The following EPHA3 variants were observed in gnomAD, a reference collection of about 807,000 sequenced individuals.
The protein encoded by EPHA3 is EPH receptor A3.
Under a neutral mutation model 107.1 loss-of-function variants are expected in EPHA3, and 42 were observed. The ratio of observed to expected loss-of-function variants is 0.39; its 90% CI spans 0.31 to 0.51. The LOEUF (loss-of-function observed/expected upper bound fraction) is 0.51, where lower values mean the gene tolerates loss of function less well. Among genes scored for constraint, EPHA3 ranks in the 20% least tolerant of loss-of-function variants. EPHA3 has a pLI of 0.78. For missense variants in EPHA3, 1,183 were observed against 1,211.2 expected (o/e 0.98, Z 0.35); for synonymous variants, 461 against 424.8 (o/e 1.09, Z -1.05).
intron 3 of EPHA3, among the ~76,000 whole-genome samples, chr3:89,247,956 T>C (rs1559617937): frequency 6.6e-6 from 1 of 152,188 alleles, no homozygotes; most frequent in Non-Finnish European, 1.5e-5. Flanking sequence ...TGATGTTCTT[T>C]GTCTATTGTT....
intron 1 of EPHA3, among the ~76,000 whole-genome samples, chr3:89,123,842 T>C (rs1704026630): frequency 2.0e-5 from 3 of 152,218 alleles, no homozygotes; most frequent in Admixed American, 2.0e-4. Flanking sequence ...GAATATAAAA[T>C]ATTCTAAAAT....
intron 3 of EPHA3, among the ~76,000 whole-genome samples, chr3:89,264,600 A>C (rs1396690021): frequency 6.6e-6 from 1 of 152,184 alleles, no homozygotes; most frequent in African/African-American, 2.4e-5. Context: ...TAGAAATTAT[A>C]AAGTTGAGTA....
At chr3:89,139,554 T>C (rs186682300) in intron 2 of EPHA3, among the ~76,000 whole-genome samples, 102 of 151,966 alleles carry the variant, frequency 6.7e-4, no homozygotes, top group Non-Finnish European at 1.9e-4. Context: ...AAAACGTTTA[T>C]TGATAGAGCT....
intron 3 of EPHA3, among the ~76,000 whole-genome samples, chr3:89,288,519 T>C (rs761312278): frequency 5.6e-4 from 85 of 152,256 alleles, no homozygotes; most frequent in Middle Eastern, 3.4e-3. Context: ...TGTTATAGGC[T>C]TGAGTATTCT....
chr3:89,181,812 T>C (rs1163455734), intron 2 of EPHA3, among the ~76,000 whole-genome samples: 1 of 152,006 alleles, frequency 6.6e-6, no homozygotes, highest in Non-Finnish European at 1.5e-5. Context: ...CTCAGAAAGC[T>C]GGCCTGTCAG....
intron 16 of EPHA3, among the ~76,000 whole-genome samples, chr3:89,474,687 A>T (rs1205925926): frequency 6.6e-6 from 1 of 152,244 alleles, no homozygotes; most frequent in African/African-American, 2.4e-5. Context: ...GCTAGTTTGC[A>T]ATTCAAATAT....
chr3:89,477,194 A>G (rs1014772061), intron 16 of EPHA3, among the ~76,000 whole-genome samples: 1 of 152,184 alleles, frequency 6.6e-6, no homozygotes, highest in Non-Finnish European at 1.5e-5. Flanking sequence ...AGTAGCATAC[A>G]TTACTCCAAG....
intron 3 of EPHA3, among the ~76,000 whole-genome samples, chr3:89,225,878 A>G (rs1264703985): frequency 6.6e-6 from 1 of 152,126 alleles, no homozygotes; most frequent in Non-Finnish European, 1.5e-5. Flanking sequence ...TAACATACAC[A>G]CGTGTTCAAG....
At chr3:89,386,304 TG>T (rs1708620779) in intron 5 of EPHA3, among the ~76,000 whole-genome samples, 1 of 151,796 alleles carries the variant, frequency 6.6e-6, no homozygotes, top group African/African-American at 2.4e-5. Flanking sequence ...GAGGGAAAAA[TG>T]GTTTTGAGGG....
chr3:89,335,002 A>G (rs1707363106), intron 3 of EPHA3, among the ~76,000 whole-genome samples: 1 of 152,226 alleles, frequency 6.6e-6, no homozygotes, highest in South Asian at 2.1e-4. Flanking sequence ...TGCAACTCCA[A>G]TTCTCAGGTG....
At chr3:89,280,637 A>T (rs1156818414) in intron 3 of EPHA3, among the ~76,000 whole-genome samples, 1 of 152,174 alleles carries the variant, frequency 6.6e-6, no homozygotes, top group Non-Finnish European at 1.5e-5. Flanking sequence ...TTTGGTACTC[A>T]AAGGCATCTG....
chr3:89,298,678 T>A (rs1383630286), intron 3 of EPHA3, among the ~76,000 whole-genome samples: 1 of 152,156 alleles, frequency 6.6e-6, no homozygotes, highest in East Asian at 1.9e-4. Flanking sequence ...TTTGTGTTTT[T>A]AAAAATTATA....
intron 2 of EPHA3, among the ~76,000 whole-genome samples, chr3:89,167,536 G>A (rs1166486441): frequency 6.6e-6 from 1 of 151,972 alleles, no homozygotes; most frequent in East Asian, 1.9e-4. Context: ...TCAATTGTGT[G>A]TTATACTAAC....
chr3:89,302,210 AT>A (rs1706509071), intron 3 of EPHA3, among the ~76,000 whole-genome samples: 1 of 152,134 alleles, frequency 6.6e-6, no homozygotes, highest in Non-Finnish European at 1.5e-5. Flanking sequence ...AACCTCCTTC[AT>A]ATTCTAAAGG....
intron 3 of EPHA3, among the ~76,000 whole-genome samples, chr3:89,305,038 CT>C (rs1454287378): frequency 6.6e-6 from 1 of 152,020 alleles, no homozygotes; most frequent in Non-Finnish European, 1.5e-5. Context: ...AATTTTATTT[CT>C]GATTATTTAA....
In EPHA3 at chr3:89,298,383, A is replaced by G. The variant is rs535402543; in HGVS notation, c.815-42533A>G. ...AAAACCCAAGAATTTTCTGAGCTCT[A>G]CTTTGGTTTTCTGTCCTCCTGTTTC... On this transcript the variant is annotated intron_variant, in intron 3 of 16. Transcript: ENST00000336596. Among the ~76,000 whole-genome samples, 106 of 152,154 alleles carry G rather than the reference A, an allele frequency of 7.0e-4. 1 individual carries two copies. Among genetic ancestry groups the G allele is most frequent in the Non-Finnish European group, 1.2e-3 (82 of 67,980 alleles).
chr3:89,192,483 T>G (rs1041393125), intron 2 of EPHA3, among the ~76,000 whole-genome samples: 1 of 151,876 alleles, frequency 6.6e-6, no homozygotes, highest in Non-Finnish European at 1.5e-5. Flanking sequence ...CTAAGAAATA[T>G]TTTATGTACC....
At chr3:89,365,503 T>C (rs1708169631) in intron 5 of EPHA3, among the ~76,000 whole-genome samples, 1 of 150,724 alleles carries the variant, frequency 6.6e-6, no homozygotes, top group East Asian at 1.9e-4. Flanking sequence ...CTTGGTTTGA[T>C]TTTCCACAGG....
chr3:89,440,752 A>G (rs890051244), intron 13 of EPHA3, among the ~76,000 whole-genome samples: 2 of 152,194 alleles, frequency 1.3e-5, no homozygotes, highest in African/African-American at 2.4e-5. Flanking sequence ...TTTAGCAGTT[A>G]TGTAGTGCCT....
Sources: allele counts gnomAD v4.1 joint callset (sites outside exome capture counted in the v4.1 genomes callset), GRCh38; gene constraint gnomAD v4.1.1; transcripts MANE v1.5; gene names NCBI Gene and HGNC (gene_info 2026-07-23, HGNC 2026-07-21).